The following MYO9B variants were observed in gnomAD, a reference collection of about 807,000 sequenced individuals.
MYO9B encodes myosin IXB.
Under a neutral mutation model 229.5 loss-of-function variants are expected in MYO9B, and 71 were observed. The ratio of observed to expected loss-of-function variants is 0.31; its 90% CI spans 0.26 to 0.38. The LOEUF (loss-of-function observed/expected upper bound fraction) is 0.38, where lower values mean the gene tolerates loss of function less well. Ranked by LOEUF, MYO9B falls within the 10% of genes least tolerant of loss-of-function variation. The pLI is 1.00. For missense variants in MYO9B, 2,255 were observed against 2,920.5 expected (o/e 0.77, Z 5.25); for synonymous variants, 1,185 against 1,235.8 (o/e 0.96, Z 0.86).
intron 4 of MYO9B, among the ~76,000 whole-genome samples, chr19:17,153,287 A>G (rs66938508): frequency 0.72 from 109,058 of 150,888 alleles, 39,606 homozygotes; most frequent in Middle Eastern, 0.76. Context: ...GGATTCAAGC[A>G]ATTCTCATGC....
At chr19:17,186,113 G>A in intron 18 of MYO9B, 112 bp downstream of exon 18, 1 of 936,370 alleles carries the variant, frequency 1.1e-6, no homozygotes, top group South Asian at 1.4e-5. Flanking sequence ...CGGTGCAGCA[G>A]TCCATCCAGA....
At chr19:17,160,510 CTTTTTTT>C (rs34857957) in intron 8 of MYO9B, among the ~76,000 whole-genome samples, 1 of 128,172 alleles carries the variant, frequency 7.8e-6, no homozygotes. Flanking sequence ...TCTTTTTTTT[CTTTTTTT>C]TTTTTTTTTT....
chr19:17,102,641 C>T, intron 2 of MYO9B, 84 bp downstream of exon 2: 1 of 1,452,722 alleles, frequency 6.9e-7, no homozygotes, highest in Non-Finnish European at 9.1e-7. Flanking sequence ...TGGCCCACAT[C>T]TATAATCCCA....
At chr19:17,182,837 T>G (rs913111991) in intron 15 of MYO9B, among the ~76,000 whole-genome samples, 1 of 152,150 alleles carries the variant, frequency 6.6e-6, no homozygotes, top group African/African-American at 2.4e-5. Context: ...TTATTTATTT[T>G]CCCCCTTGGT....
rs747998041 is a variant in MYO9B at position 17,183,870 on chromosome 19, T to TA, written c.2373+13dup. 19,034 of 1,076,952 alleles carry TA rather than the reference T, an allele frequency of 0.018. 15 individuals are homozygous for TA. Among genetic ancestry groups the TA allele is most frequent in the African/African-American group, 0.036 (2,191 of 61,458 alleles). The allele number at this position is 1,076,952 out of a possible 1,614,324, so 66.7% of individuals were successfully genotyped here. On this transcript the variant is annotated splice_region_variant and intron_variant, in intron 16 of 39. Coordinates refer to ENST00000682292, the MANE Select transcript of MYO9B (RefSeq NM_004145.4). ...AAACAAAAGCAGATCATTCCAAAGG[T>TA]AAAAAAAAAAACACACCCCGCGCGA... is the stretch of plus-strand genomic sequence containing the variant.
rs562071100 is a variant in MYO9B, at chr19:17,154,329, T to C, written c.1113T>C (p.Ile371=). 4.3e-6 allele frequency: 7 copies of C among 1,612,234 alleles called. No individual in the cohort carries two copies. In the Admixed American group the frequency reaches 1.0e-4, roughly 23 times the overall value. ...YFYLNQHNLK[I]EDGEDLKHDF... is the part of the protein sequence containing the mutation. ...TTGTTTTCCAGCATAACTTGAAGAT[T>C]GAAGATGGGGAGGACCTGAAGCATG... Residue 371 remains isoleucine (I), a synonymous_variant, in exon 6 of 40, where the codon ATT becomes ATC. Transcript: ENST00000682292.
chr19:17,086,254 G>C (rs13343952), intron 1 of MYO9B, among the ~76,000 whole-genome samples: 86,783 of 152,000 alleles, frequency 0.57, 25,488 homozygotes, highest in South Asian at 0.7. Flanking sequence ...TCTCTCTCCC[G>C]GCCTCCAGCC....
rs912683936 is a variant in MYO9B at position 17,193,486 on chromosome 19, C to T, written c.3128+424C>T. Among the ~76,000 whole-genome samples, 1 of 152,174 alleles carries T rather than the reference C, an allele frequency of 6.6e-6. No homozygotes were observed. The highest frequency in any genetic ancestry group is 2.1e-4 in the South Asian group (1 of 4,830). On this transcript the variant is annotated intron_variant, in intron 21 of 39. Coordinates refer to ENST00000682292, the MANE Select transcript of MYO9B (RefSeq NM_004145.4). This position sits in a 1 kb window ranked among gnomAD's most constrained non-coding sequence, Gnocchi z 4.3. Reference sequence around the variant, plus strand: ...CACAGCTCCGAGCCCAGCCCCTCCCCGACCTAGGCACCCTGTTCACCTCTC... The same window carrying T: ...CACAGCTCCGAGCCCAGCCCCTCCCTGACCTAGGCACCCTGTTCACCTCTC...
rs918327906 is a variant in MYO9B, at chr19:17,195,260, C to G, written c.3833C>G (p.Pro1278Arg). 1 of 1,612,532 alleles carries G rather than the reference C, an allele frequency of 6.2e-7. No homozygotes were observed. The highest frequency in any genetic ancestry group is 1.3e-5 in the African/African-American group (1 of 75,012). ...APETPEDKSK[P>R]CGSPRVQEKP... is the part of the protein sequence containing the mutation. ...GAGACCCCCGAGGACAAGAGCAAAC[C>G]ATGTGGCAGCCCAAGGGTTCAGGAA... The change falls in exon 22 of 40, where the codon CCA (proline) becomes CGA (arginine). Residue 1278 changes from proline to arginine, a missense_variant. By Grantham distance (103) the Pro-to-Arg change is moderately radical. Around this residue, in one of 7 missense-constraint regions of MYO9B, gnomAD observed 679 missense variants for 770.2 expected, o/e 0.88. Transcript: ENST00000682292. This position sits in a 1 kb window ranked among gnomAD's most constrained non-coding sequence, Gnocchi z 4.5.
In MYO9B at chr19:17,156,990, G is replaced by A; in HGVS notation, c.1281G>A (p.Leu427=). 1 of 1,613,870 alleles carries A rather than the reference G, an allele frequency of 6.2e-7. No homozygotes were observed. Among genetic ancestry groups the A allele is most frequent in the Non-Finnish European group, 8.5e-7 (1 of 1,179,848 alleles). Residue 427 remains leucine (L), a synonymous_variant, in exon 7 of 40, where the codon TTG becomes TTA. Transcript: ENST00000682292. ...GAGCTACAGGCCGAGAGGAAGGGTT[G>A]GAGGTCGGGCCACCCGAGGTGCTGG... ...KKRATGREEG[L]EVGPPEVLDT...
intron 20 of MYO9B, 65 bp downstream of exon 20, chr19:17,191,284 T>C: frequency 6.5e-7 from 1 of 1,529,738 alleles, no homozygotes; most frequent in Non-Finnish European, 8.8e-7. Flanking sequence ...ACACCGTGTC[T>C]CCCCAGGCCC....
rs2073005073 is a variant in MYO9B, at chr19:17,193,137, A to G, written c.3128+75A>G. 1 of 1,389,790 alleles carries G rather than the reference A, an allele frequency of 7.2e-7. No individual in the cohort carries two copies. Among genetic ancestry groups the G allele is most frequent in the Admixed American group, 2.9e-5 (1 of 34,054 alleles). 86.1% of individuals were successfully genotyped at this position (1,389,790 alleles called of 1,614,324 possible). ...GTCACTCACCAAATTGCTGCCCGTG[A>G]TATACCATCTGGCCTGTGGCACTAA... On this transcript the variant is annotated intron_variant, in intron 21 of 39. Transcript: ENST00000682292. The surrounding 1 kb of genome is among the most constrained non-coding windows in gnomAD (Gnocchi z 4.3).
chr19:17,196,554 A>G (rs1017456478), intron 22 of MYO9B, among the ~76,000 whole-genome samples: 7 of 151,996 alleles, frequency 4.6e-5, no homozygotes, highest in African/African-American at 1.4e-4. Context: ...GTGGTGGCGC[A>G]TGCTTGTAAT....
At chr19:17,126,763 C>T (rs1333010161) in intron 2 of MYO9B, among the ~76,000 whole-genome samples, 2 of 150,180 alleles carry the variant, frequency 1.3e-5, no homozygotes, top group African/African-American at 4.9e-5. Flanking sequence ...CTCCCGGGTT[C>T]AAGCGATTTC....
At chr19:17,141,640 G>T (rs2072341329) in intron 2 of MYO9B, among the ~76,000 whole-genome samples, 1 of 123,362 alleles carries the variant, frequency 8.1e-6, no homozygotes, top group African/African-American at 3.2e-5. Context: ...TCCTGCCCCA[G>T]GCACCTTCCC....
At chr19:17,143,244 AAAAC>A (rs1422781910) in intron 2 of MYO9B, among the ~76,000 whole-genome samples, 2 of 151,868 alleles carry the variant, frequency 1.3e-5, no homozygotes, top group Non-Finnish European at 2.9e-5. Context: ...TTTCAAAAAA[AAAAC>A]AAACAAACTT....
rs574792492 is a variant in MYO9B, at chr19:17,090,087, C to G, written c.-58-11573C>G. Among the ~76,000 whole-genome samples the G allele has an allele frequency of 1.0e-4, 13 of 127,922 alleles. 1 individual carries two copies. The highest frequency in any genetic ancestry group is 8.3e-4 in the Admixed American group (10 of 12,018). 83.9% of individuals were successfully genotyped at this position (127,922 alleles called of 152,430 possible). ...TCAGCATCATGTTTTTTAGTTTCAT[C>G]CACGTTATAGCATGAATCGGTGCTT... On this transcript the variant is annotated intron_variant, in intron 1 of 39. Transcript: ENST00000682292.
Position 17,102,360 on chromosome 19 carries a change from G to A in MYO9B, c.643G>A (p.Val215Ile), listed in dbSNP as rs1460807171. Residue 215 changes from valine (V) to isoleucine (I), a missense_variant, in exon 2 of 40, where the codon GTC (valine) becomes ATC (isoleucine). By Grantham distance (29) the Val-to-Ile change is conservative. Coordinates refer to ENST00000682292, the MANE Select transcript of MYO9B (RefSeq NM_004145.4). ...GCAGCTGGGCAAGCTGGAGCCACAC[G>A]TCTTCGCGCTGGCCGACGTGGCCTA... Reference protein sequence around the residue: ...NQQLGKLEPHVFALADVAYYT... With the variant: ...NQQLGKLEPHIFALADVAYYT... 11 of 1,614,036 alleles carry A rather than the reference G, an allele frequency of 6.8e-6. No individual in the cohort carries two copies. The highest frequency in any genetic ancestry group is 2.2e-5 in the East Asian group (1 of 44,882).
At chr19:17,194,475 C>A in intron 21 of MYO9B, 81 bp from the exon 22 acceptor site, 1 of 1,503,256 alleles carries the variant, frequency 6.7e-7, no homozygotes. Context: ...AGCCCGCAGG[C>A]TGGGGGTCCC....
Sources: gnomAD v4.1 joint callset for allele counts (sites outside exome capture counted in the v4.1 genomes callset) on GRCh38, gnomAD v4.1.1 for gene constraint, gnomAD v4.1.1 regional missense constraint, Gnocchi (gnomAD v3.1) non-coding constraint, MANE v1.5 for transcripts, NCBI Gene and HGNC (gene_info 2026-07-23, HGNC 2026-07-21) for gene names.